The following TRIM50 variants were observed in gnomAD, a reference collection of about 807,000 sequenced individuals.
The protein encoded by TRIM50 is E3 ubiquitin-protein ligase TRIM50.
A neutral mutation model predicts 44.9 loss-of-function variants in TRIM50; 34 were observed. That is an observed-to-expected ratio of 0.76 (90% CI 0.58 to 1.01). The LOEUF (loss-of-function observed/expected upper bound fraction) is 1.01. TRIM50 is among the 50% of genes least tolerant of loss of function. TRIM50 has a pLI of 0.00. For synonymous variants in TRIM50, 307 were observed against 291.1 expected, an observed-to-expected ratio of 1.05 and a Z score of -0.56; for missense variants, 633 against 663.7, an observed-to-expected ratio of 0.95 and a Z score of 0.51.
chr7:73,313,116 G>A lies in TRIM50; in HGVS notation c.1269C>T (p.Gly423=), dbSNP rs369269818. 63 of 1,593,400 alleles carry A rather than the reference G, an allele frequency of 4.0e-5. No homozygotes were observed. Among genetic ancestry groups the A allele is most frequent in the African/African-American group, 6.7e-5 (5 of 74,668 alleles). Residue 423 remains glycine (G), a synonymous_variant, in exon 7 of 7, where the codon GGC becomes GGT. Transcript: ENST00000333149. This position sits in a 1 kb window ranked among gnomAD's most constrained non-coding sequence, Gnocchi z 4.9. The part of the protein sequence containing the change: ...RIGLYLHYEQ[G]ELTFFDADRP... ...GGTCGGCATCGAAGAAGGTGAGTTC[G>A]CCCTGCTCATAGTGCAGGTAGAGCC...
chr7:73,319,740 C>G (rs1425386952), intron 3 of TRIM50, among the ~76,000 whole-genome samples: 1 of 152,246 alleles, frequency 6.6e-6, no homozygotes, highest in Non-Finnish European at 1.5e-5. Context: ...GTGCCTCTCA[C>G]TTCGGGAGAT....
Position 73,312,881 on chromosome 7 carries a change from G to T in TRIM50, c.*40C>A. The T allele has an allele frequency of 6.9e-7, 1 of 1,451,938 alleles. No homozygotes were observed. 89.9% of individuals were successfully genotyped at this position (1,451,938 alleles called of 1,614,324 possible). ...GAAGCCCGCGAGTCCCCGGTGCCCC[G>T]CCGGGATGGGCCTGTGGGCCGGCAG... is the stretch of plus-strand genomic sequence containing the variant. On this transcript the variant is annotated 3_prime_UTR_variant, in exon 7 of 7. Transcript: ENST00000333149.
chr7:73,325,313 T>C (rs1216781738), intron 1 of TRIM50, among the ~76,000 whole-genome samples: 1 of 152,134 alleles, frequency 6.6e-6, no homozygotes, highest in Admixed American at 6.5e-5. Context: ...GACCCAGAAC[T>C]CTACACTTAT....
rs1210276330 is a variant in TRIM50 at position 73,312,833 on chromosome 7, A to G, written c.*88T>C. ...GAAGACCTTCCTAAACAGTGACGAT[A>G]TCACCTCAGGCGGGACCCAGCAGAA... is the stretch of plus-strand genomic sequence containing the variant. On this transcript the variant is annotated 3_prime_UTR_variant, in exon 7 of 7. Transcript: ENST00000333149. 9.5e-7 allele frequency: 1 copy of G among 1,057,034 alleles called. No homozygotes were observed. The highest frequency in any genetic ancestry group is 1.6e-5 in the African/African-American group (1 of 62,290). The allele number at this position is 1,057,034 out of a possible 1,614,324, so 65.5% of individuals were successfully genotyped here.
intron 5 of TRIM50, 119 bp from the exon 6 acceptor site, chr7:73,316,808 A>G (rs1296857290): frequency 6.3e-6 from 9 of 1,422,550 alleles, no homozygotes; most frequent in Non-Finnish European, 8.5e-6. Flanking sequence ...CACAATGCCC[A>G]TCAATGCCCA....
chr7:73,323,015 C>T (rs1488729330), intron 2 of TRIM50, among the ~76,000 whole-genome samples: 2 of 152,238 alleles, frequency 1.3e-5, no homozygotes, highest in Admixed American at 6.5e-5. Flanking sequence ...CCTCACCCTC[C>T]TTGCCACACA....
chr7:73,319,049 C>T lies in TRIM50; in HGVS notation c.499G>A (p.Glu167Lys), dbSNP rs1333536363. ...ATCACCCAGCTGAAGACATCCGACT[C>T]ATTCTGGGACAGGGAGGGCTGGTCA... ...LVNNRTRIVN[E>K]SDVFSWVIRR... Residue 167 changes from glutamate to lysine, a missense_variant, in exon 4 of 7, where the codon GAG (glutamate) becomes AAG (lysine). By Grantham distance (56) the Glu-to-Lys change is moderately conservative. Coordinates refer to ENST00000333149, the MANE Select transcript of TRIM50 (RefSeq NM_178125.3). The T allele has an allele frequency of 4.5e-5, 73 of 1,613,878 alleles. No homozygotes were observed. Among genetic ancestry groups the T allele is most frequent in the Non-Finnish European group, 6.0e-5 (71 of 1,179,870 alleles).
intron 6 of TRIM50, chr7:73,314,365 G>C (rs1804310129): frequency 2.5e-6 from 1 of 398,456 alleles, no homozygotes; most frequent in Admixed American, 3.5e-5. Flanking sequence ...CCCAGGCCCT[G>C]GACCGCCAAA....
chr7:73,327,160 T>C (rs1554546306), intron 1 of TRIM50, among the ~76,000 whole-genome samples: 1 of 152,118 alleles, frequency 6.6e-6, no homozygotes, highest in Admixed American at 6.6e-5. Context: ...CCTAATTTCA[T>C]GTGTTGGAAA....
chr7:73,325,963 CT>C (rs1259598646), intron 1 of TRIM50, among the ~76,000 whole-genome samples: 1 of 152,214 alleles, frequency 6.6e-6, no homozygotes, highest in Non-Finnish European at 1.5e-5. Context: ...TCATAGCTCA[CT>C]GTAGCCTCCA....
In TRIM50 at chr7:73,312,769, T is replaced by A; in HGVS notation, c.*152A>T. The A allele has an allele frequency of 1.5e-6, 1 of 649,244 alleles. No individual in the cohort carries two copies. The highest frequency in any genetic ancestry group is 2.0e-5 in the South Asian group (1 of 50,122). 40.2% of individuals were successfully genotyped at this position (649,244 alleles called of 1,614,324 possible). A position where few individuals can be genotyped will look rare whatever the true frequency, so the allele number is the denominator to read the frequency against. Reference sequence around the variant, plus strand: ...GCTGAGGGGAAAGGGACTGGGGTCCTGTTCCCTATCATTACATGTTCCAGG... The same window carrying A: ...GCTGAGGGGAAAGGGACTGGGGTCCAGTTCCCTATCATTACATGTTCCAGG... On this transcript the variant is annotated 3_prime_UTR_variant, in exon 7 of 7. Transcript: ENST00000333149.
Position 73,313,068 on chromosome 7 carries a change from G to C in TRIM50, c.1317C>G (p.Leu439=). 1.3e-6 allele frequency: 2 copies of C among 1,587,340 alleles called. No individual in the cohort carries two copies. Among genetic ancestry groups the C allele is most frequent in the Non-Finnish European group, 1.7e-6 (2 of 1,167,300 alleles). ...CCTGGAAGTCGGCCTGGAAGGTGTAGAGCGGCCGCAGGTCATCGGGGCGGT... is the reference window on the plus strand; with the variant it reads ...CCTGGAAGTCGGCCTGGAAGGTGTACAGCGGCCGCAGGTCATCGGGGCGGT... ...DADRPDDLRP[L]YTFQADFQGK... is the part of the protein sequence containing the mutation. The change falls in exon 7 of 7, where the codon CTC becomes CTG. Residue 439 remains leucine (L), a synonymous_variant. Coordinates refer to ENST00000333149, the MANE Select transcript of TRIM50 (RefSeq NM_178125.3). The surrounding 1 kb of genome is among the most constrained non-coding windows in gnomAD (Gnocchi z 4.9).
chr7:73,315,769 T>C (rs1379497580), intron 6 of TRIM50, among the ~76,000 whole-genome samples: 8 of 152,252 alleles, frequency 5.3e-5, no homozygotes, highest in African/African-American at 4.8e-5. Flanking sequence ...GTGTTTGAGT[T>C]GTTTTTGACA....
At chr7:73,327,357 C>CAGTT (rs1804660177) in intron 1 of TRIM50, among the ~76,000 whole-genome samples, 1 of 152,138 alleles carries the variant, frequency 6.6e-6, no homozygotes, top group African/African-American at 2.4e-5. Flanking sequence ...CCTGGTGGTG[C>CAGTT]AGTTCTGTAA....
chr7:73,321,928 C>A (rs1804505829), intron 2 of TRIM50: 1 of 152,224 alleles, frequency 6.6e-6, no homozygotes, highest in African/African-American at 2.4e-5. Flanking sequence ...CAAATCAATG[C>A]ACCCATCAAT....
intron 1 of TRIM50, among the ~76,000 whole-genome samples, chr7:73,325,167 T>C (rs1232850122): frequency 2.0e-5 from 3 of 152,070 alleles, no homozygotes; most frequent in Non-Finnish European, 4.4e-5. Context: ...GACCTAGAAC[T>C]GAACAGCAAA....
At chr7:73,319,809 C>T (rs1554544806) in intron 3 of TRIM50, among the ~76,000 whole-genome samples, 1 of 152,158 alleles carries the variant, frequency 6.6e-6, no homozygotes, top group Non-Finnish European at 1.5e-5. Context: ...ACTGGGAGGG[C>T]ACCATGACAG....
intron 6 of TRIM50, chr7:73,314,384 C>A: frequency 2.4e-6 from 1 of 411,294 alleles, no homozygotes. Context: ...AACAGCTATT[C>A]AGCTGCTTAA....
At chr7:73,323,586 G>A (rs1168769977) in intron 2 of TRIM50, among the ~76,000 whole-genome samples, 1 of 152,186 alleles carries the variant, frequency 6.6e-6, no homozygotes, top group African/African-American at 2.4e-5. Flanking sequence ...AGAATGATCT[G>A]CTAGGTTTGG....
Sources: allele counts gnomAD v4.1 joint callset (sites outside exome capture counted in the v4.1 genomes callset), GRCh38; gene constraint gnomAD v4.1.1; non-coding constraint Gnocchi (gnomAD v3.1); transcripts MANE v1.5; gene names NCBI Gene and HGNC (gene_info 2026-07-23, HGNC 2026-07-21).